Variants in SGSM1 observed in about 807,000 individuals in gnomAD.
The protein encoded by SGSM1 is small G protein signaling modulator 1.
Under a neutral mutation model 133.8 loss-of-function variants are expected in SGSM1, and 73 were observed. That is an observed-to-expected ratio of 0.55 (90% CI 0.45 to 0.66). SGSM1 has a LOEUF of 0.66. Ranked by LOEUF, SGSM1 falls within the 30% of genes least tolerant of loss-of-function variation. The pLI, the probability that SGSM1 is intolerant of heterozygous loss-of-function variation, is 0.00. For synonymous variants in SGSM1, 563 were observed against 573.0 expected (o/e 0.98, Z 0.25); for missense variants, 1,213 against 1,448.1 (o/e 0.84, Z 2.64).
Position 24,859,458 on chromosome 22 carries a change from C to CA in SGSM1, c.802-257dup, listed in dbSNP as rs1276765648. Among the ~76,000 whole-genome samples the CA allele has an allele frequency of 4.6e-5, 7 of 152,228 alleles. No individual in the cohort carries two copies. The East Asian group carries it at 1.4e-3, about 29-fold the overall frequency. On this transcript the variant is annotated intron_variant, in intron 8 of 24. Coordinates refer to ENST00000400358, the MANE Select transcript of SGSM1 (RefSeq NM_001098497.3). The stretch of plus-strand genomic sequence containing the variant: ...GGGACCCTGGAGCTCAGGAGGAAGT[C>CA]AGAGTGTGAAAGTGATGGGGGTGGG...
intron 9 of SGSM1, among the ~76,000 whole-genome samples, chr22:24,860,413 G>T (rs1931054643): frequency 6.6e-6 from 1 of 152,168 alleles, no homozygotes; most frequent in Non-Finnish European, 1.5e-5. Flanking sequence ...ATTTTAGCTT[G>T]AGGAGGCTTG....
chr22:24,880,377 A>G (rs147587597), intron 14 of SGSM1, among the ~76,000 whole-genome samples: 1,766 of 152,028 alleles, frequency 0.012, 17 homozygotes, highest in African/African-American at 0.04. Context: ...CAGGTGATCC[A>G]CCCACCTCAG....
chr22:24,828,085 A>C (rs1471512302), intron 2 of SGSM1, among the ~76,000 whole-genome samples: 1 of 152,024 alleles, frequency 6.6e-6, no homozygotes, highest in African/African-American at 2.4e-5. Context: ...CAGGTCTCCT[A>C]ACTCCCAGTG....
At chr22:24,878,741 A>C (rs1932162455) in intron 13 of SGSM1, among the ~76,000 whole-genome samples, 1 of 152,214 alleles carries the variant, frequency 6.6e-6, no homozygotes, top group Non-Finnish European at 1.5e-5. Context: ...AGAAGCTTTG[A>C]GGCATCACCT....
At chr22:24,806,976 A>G (rs1190380386) in intron 2 of SGSM1, among the ~76,000 whole-genome samples, 2 of 151,894 alleles carry the variant, frequency 1.3e-5, no homozygotes, top group Non-Finnish European at 2.9e-5. Flanking sequence ...CCTTGGAGCC[A>G]CCTCCAAGAG....
chr22:24,813,575 C>G (rs1309428753), intron 2 of SGSM1: 1 of 152,234 alleles, frequency 6.6e-6, no homozygotes, highest in Non-Finnish European at 1.5e-5. Context: ...AGGATTGACT[C>G]AAATCAGCTT....
At chr22:24,917,586 C>T (rs1023968778) in intron 22 of SGSM1, 72 bp from the exon 23 acceptor site, 4 of 1,081,756 alleles carry the variant, frequency 3.7e-6, no homozygotes, top group Admixed American at 3.9e-5. Flanking sequence ...GGATGTACCA[C>T]CATTTATTCA....
At position 24,814,269 on chromosome 22, in the gene SGSM1, AAAAACAAAAC is replaced by A. The variant is rs148204768; in HGVS notation, c.63+7805_63+7814del. The A allele has an allele frequency of 1.7e-4, 25 of 150,732 alleles. No individual in the cohort carries two copies. The East Asian group carries it at 2.2e-3, about 14-fold the overall frequency. The allele number at this position is 150,732 out of a possible 1,614,324, so 9.3% of individuals were successfully genotyped here. On this transcript the variant is annotated intron_variant, in intron 2 of 24. Transcript: ENST00000400358. ...GTCATTCTAATGGGATAAAGATTAA[AAAAACAAAAC>A]AAAACAAAACAAAACAAAAACTAGC... is the stretch of plus-strand genomic sequence containing the variant.
At chr22:24,911,669 C>T (rs1306203975) in intron 21 of SGSM1, among the ~76,000 whole-genome samples, 1 of 152,104 alleles carries the variant, frequency 6.6e-6, no homozygotes, top group Non-Finnish European at 1.5e-5. Context: ...CTCGATAACC[C>T]ATAGCCCAGT....
intron 13 of SGSM1, among the ~76,000 whole-genome samples, chr22:24,877,577 A>T (rs559765825): frequency 1.3e-5 from 2 of 152,064 alleles, no homozygotes; most frequent in East Asian, 3.9e-4. Flanking sequence ...TGGTCCAGTC[A>T]TCAGCCATAG....
chr22:24,901,868 C>A lies in SGSM1; in HGVS notation c.2646C>A (p.His882Gln). ...TGGATCTGTACACGGTGAACCTGCA[C>A]CGCATCGAGAAGGATGTGCAGAGGT... is the stretch of plus-strand genomic sequence containing the variant. ...ELLDLYTVNL[H>Q]RIEKDVQRCD... Residue 882 changes from histidine to glutamine, a missense_variant, in exon 20 of 25, where the codon CAC becomes CAA. His to Gln is a conservative substitution (Grantham distance 24). Transcript: ENST00000400358. 6.2e-7 allele frequency: 1 copy of A among 1,612,466 alleles called. No homozygotes were observed. Among genetic ancestry groups the A allele is most frequent in the Non-Finnish European group, 8.5e-7 (1 of 1,179,398 alleles).
chr22:24,857,248 A>G (rs1200479693), intron 8 of SGSM1, among the ~76,000 whole-genome samples: 1 of 63,554 alleles, frequency 1.6e-5, no homozygotes, highest in Non-Finnish European at 2.7e-5. Context: ...CTAAAAATAC[A>G]AAAAAAAAAA....
At chr22:24,902,002 T>C (rs752478880) in intron 20 of SGSM1, 45 bp downstream of exon 20, 2 of 35,268 alleles carry the variant, frequency 5.7e-5, no homozygotes, top group East Asian at 9.4e-4. Context: ...GGATGGTGGG[T>C]GGGTGGGATG....
intron 19 of SGSM1, 26 bp from the exon 20 acceptor site, chr22:24,901,807 C>T: frequency 6.2e-7 from 1 of 1,609,242 alleles, no homozygotes; most frequent in Non-Finnish European, 8.5e-7. Flanking sequence ...TTTCTTCCCC[C>T]TACCCCCTGC....
chr22:24,876,994 C>G (rs1001006303), intron 13 of SGSM1, among the ~76,000 whole-genome samples: 3 of 152,184 alleles, frequency 2.0e-5, no homozygotes, highest in Non-Finnish European at 2.9e-5. Context: ...TATCATGGGT[C>G]AGCTGGTGGC....
At chr22:24,874,910 C>T (rs1422861015) in intron 12 of SGSM1, among the ~76,000 whole-genome samples, 1 of 152,214 alleles carries the variant, frequency 6.6e-6, no homozygotes, top group African/African-American at 2.4e-5. Flanking sequence ...GAACATTTTA[C>T]AGGGGCTTAC....
At chr22:24,885,658 G>A (rs953693444) in intron 15 of SGSM1, among the ~76,000 whole-genome samples, 4 of 151,828 alleles carry the variant, frequency 2.6e-5, no homozygotes, top group Non-Finnish European at 5.9e-5. Flanking sequence ...TCCTGACCTC[G>A]TGATCCGCCT....
At position 24,876,597 on chromosome 22, in the gene SGSM1, G is replaced by A. The variant is rs771885403; in HGVS notation, c.1312G>A (p.Val438Ile). Residue 438 changes from valine (V) to isoleucine (I), a missense_variant, in exon 13 of 25, where the codon GTC becomes ATC. By Grantham distance (29) the Val-to-Ile change is conservative. Transcript: ENST00000400358. ...SEFVPQDLMDVSVSNLPSLWQ... is the reference protein window; with the variant it reads ...SEFVPQDLMDISVSNLPSLWQ... ...CACAGTGCCCCAGGATCTGATGGACGTCTCTGTAAGCAACCTCCCATCCCT... is the reference window on the plus strand; with the variant it reads ...CACAGTGCCCCAGGATCTGATGGACATCTCTGTAAGCAACCTCCCATCCCT... The A allele has an allele frequency of 2.2e-5, 35 of 1,613,828 alleles. No homozygotes were observed. The highest frequency in any genetic ancestry group is 2.8e-5 in the Non-Finnish European group (33 of 1,179,886).
At chr22:24,847,515 GAAGGT>G (rs1930215099) in intron 3 of SGSM1, 114 bp from the exon 4 acceptor site, 1 of 1,279,122 alleles carries the variant, frequency 7.8e-7, no homozygotes, top group African/African-American at 1.5e-5. Context: ...GGGTAAGACA[GAAGGT>G]AAGAAGATTG....
Sources: gnomAD v4.1 joint callset for allele counts (sites outside exome capture counted in the v4.1 genomes callset) on GRCh38, gnomAD v4.1.1 for gene constraint, MANE v1.5 for transcripts, NCBI Gene and HGNC (gene_info 2026-07-23, HGNC 2026-07-21) for gene names.